The following LIFR variants were observed in gnomAD, a reference collection of about 807,000 sequenced individuals.
LIFR encodes leukemia inhibitory factor receptor.
A neutral mutation model predicts 122.2 loss-of-function variants in LIFR; 84 were observed. The observed-to-expected ratio is 0.69, with a 90% CI of 0.58 to 0.82. LIFR has a LOEUF of 0.82. Among genes scored for constraint, LIFR ranks in the 40% least tolerant of loss-of-function variants. LIFR has a pLI of 0.00. For missense variants in LIFR, 1,294 were observed against 1,311.6 expected, an observed-to-expected ratio of 0.99 and a Z score of 0.21; for synonymous variants, 422 against 434.7, an observed-to-expected ratio of 0.97 and a Z score of 0.36.
intron 16 of LIFR, among the ~76,000 whole-genome samples, chr5:38,486,856 T>G (rs1236187010): frequency 6.6e-6 from 1 of 152,244 alleles, no homozygotes; most frequent in African/African-American, 2.4e-5. Flanking sequence ...GAACTTTTGA[T>G]GAATTCAGTG....
chr5:38,511,297 T>C (rs1230725058), intron 6 of LIFR, among the ~76,000 whole-genome samples: 1 of 152,078 alleles, frequency 6.6e-6, no homozygotes, highest in Non-Finnish European at 1.5e-5. Flanking sequence ...AGGATTTCAT[T>C]TTATGGTCAA....
chr5:38,545,348 ATATGTGTGTGTGTGTG>A (rs1404156636), intron 1 of LIFR, among the ~76,000 whole-genome samples: 5 of 150,704 alleles, frequency 3.3e-5, no homozygotes, highest in African/African-American at 1.2e-4. Flanking sequence ...AGACATAAAT[ATATGTGTGTGTGTGTG>A]TATGTGTGTG....
intron 2 of LIFR, among the ~76,000 whole-genome samples, chr5:38,529,077 G>A (rs1561180436): frequency 6.6e-6 from 1 of 151,238 alleles, no homozygotes; most frequent in Non-Finnish European, 1.5e-5. Context: ...AACAACTAAA[G>A]GGTAAACTGA....
chr5:38,488,482 A>G (rs1363312276), intron 16 of LIFR, among the ~76,000 whole-genome samples: 1 of 152,262 alleles, frequency 6.6e-6, no homozygotes, highest in African/African-American at 2.4e-5. Flanking sequence ...CAGCAGAAAC[A>G]TAATGAAAGG....
chr5:38,589,053 A>G lies in LIFR; in HGVS notation c.-20+6208T>C, dbSNP rs181263697. On this transcript the variant is annotated intron_variant, in intron 1 of 19. Transcript: ENST00000263409. ...CACTCTGTTGCCGAGGCTGAAGTGCAGTGGCGCGATCTTGGCTCACTGCTA... is the reference window on the plus strand; with the variant it reads ...CACTCTGTTGCCGAGGCTGAAGTGCGGTGGCGCGATCTTGGCTCACTGCTA... Among the ~76,000 whole-genome samples the G allele has an allele frequency of 3.4e-5, 5 of 147,942 alleles. No individual in the cohort carries two copies. In the East Asian group the frequency reaches 1.0e-3, roughly 29 times the overall value.
In LIFR at chr5:38,549,591, G is replaced by C. The variant is rs552269477; in HGVS notation, c.-20+6743C>G. ...GCGGATCACGAGGTCAGGAGATCGA[G>C]ACCATCCTGGCTAACACGGTGAAAC... is the stretch of plus-strand genomic sequence containing the variant. On this transcript the variant is annotated intron_variant, in intron 1 of 19. Transcript: ENST00000453190. Among the ~76,000 whole-genome samples, 5 of 152,300 alleles carry C rather than the reference G, an allele frequency of 3.3e-5. No individual in the cohort carries two copies. The East Asian group carries it at 7.7e-4, about 24-fold the overall frequency.
rs1745450316 is a variant in LIFR, at chr5:38,505,932, T to C, written c.1264A>G (p.Thr422Ala). ...TTTTCAGTTATATTAACTAAAATTG[T>C]TGATTGTGATCGACCCAGCGGATTG... The part of the protein sequence containing the change: ...AHNPLGRSQS[T>A]ILVNITEKVY... The change falls in exon 9 of 20, where the codon ACA becomes GCA. Residue 422 changes from threonine to alanine, a missense_variant. Physicochemically the swap from Thr to Ala is moderately conservative, Grantham distance 58. Coordinates refer to ENST00000453190, the MANE Select transcript of LIFR (RefSeq NM_001127671.2). The C allele has an allele frequency of 6.2e-7, 1 of 1,609,238 alleles. No homozygotes were observed. Among genetic ancestry groups the C allele is most frequent in the Non-Finnish European group, 8.5e-7 (1 of 1,177,554 alleles).
upstream of LIFR, among the ~76,000 whole-genome samples, chr5:38,559,700 G>A (rs183664193): frequency 6.6e-6 from 1 of 152,296 alleles, no homozygotes; most frequent in East Asian, 1.9e-4. Flanking sequence ...CAAAACTGAA[G>A]TAAAAGTGTA....
intron 1 of LIFR, among the ~76,000 whole-genome samples, chr5:38,555,705 C>T (rs147786732): frequency 0.014 from 1,797 of 127,978 alleles, 32 homozygotes; most frequent in African/African-American, 0.045. Flanking sequence ...TTTTTGGTAG[C>T]GGAATGTGGG....
chr5:38,582,058 C>CTTTTTTT (rs35430300), intron 1 of LIFR, among the ~76,000 whole-genome samples: 3 of 145,216 alleles, frequency 2.1e-5, no homozygotes, highest in Non-Finnish European at 4.5e-5. Flanking sequence ...TTTTTTTTTC[C>CTTTTTTT]TTTTTTTTTT....
intron 1 of LIFR, among the ~76,000 whole-genome samples, chr5:38,574,251 C>T (rs963329273): frequency 4.6e-5 from 7 of 152,328 alleles, no homozygotes; most frequent in African/African-American, 1.4e-4. Flanking sequence ...CTTTTCCTTA[C>T]ACATGCCAGG....
intron 1 of LIFR, among the ~76,000 whole-genome samples, chr5:38,554,486 G>T (rs927592671): frequency 6.6e-6 from 1 of 152,204 alleles, no homozygotes; most frequent in Non-Finnish European, 1.5e-5. Flanking sequence ...ATATCACAAT[G>T]AAGAGATTAA....
rs2367413 is a variant in LIFR at position 38,483,461 on chromosome 5, T to G, written c.2592-794A>C. ...TTTTTGAGACAGAGTCTTGCACTGT[T>G]GCTAGGGTGGGGTGCAGTGGTGCAA... is the stretch of plus-strand genomic sequence containing the variant. On this transcript the variant is annotated intron_variant, in intron 18 of 19. Transcript: ENST00000453190. 4.9e-3 allele frequency among the ~76,000 whole-genome samples: 751 copies of G among 152,254 alleles called. 7 individuals carry two copies. Among genetic ancestry groups the G allele is most frequent in the African/African-American group, 0.018 (731 of 41,562 alleles).
upstream of LIFR, among the ~76,000 whole-genome samples, chr5:38,598,405 C>G (rs1339744283): frequency 6.6e-6 from 1 of 150,850 alleles, no homozygotes. Flanking sequence ...CACCACCATG[C>G]CTGGCTAATT....
chr5:38,486,236 G>T (rs1261200486), intron 16 of LIFR, among the ~76,000 whole-genome samples: 22 of 152,188 alleles, frequency 1.4e-4, no homozygotes, highest in Non-Finnish European at 2.9e-5. Flanking sequence ...GACTTAAGCT[G>T]TTTGAAGTTT....
intron 14 of LIFR, 82 bp downstream of exon 14, chr5:38,493,524 T>C: frequency 2.3e-6 from 3 of 1,329,590 alleles, no homozygotes; most frequent in Non-Finnish European, 3.3e-6. Flanking sequence ...GTAAAGAGAA[T>C]CACTTCACTG....
At chr5:38,523,834 A>G (rs1027014653) in intron 4 of LIFR, among the ~76,000 whole-genome samples, 1 of 152,210 alleles carries the variant, frequency 6.6e-6, no homozygotes, top group Non-Finnish European at 1.5e-5. Flanking sequence ...GGTTCTAATG[A>G]GAAAGGGAAA....
Position 38,543,809 on chromosome 5 carries a change from C to T in LIFR, c.-20+12525G>A, listed in dbSNP as rs141608618. On this transcript the variant is annotated intron_variant, in intron 1 of 19. Transcript: ENST00000453190. ...TGTGGTAATTTAAAAATTTATCTTA[C>T]CCTTCCTTCCTCCCAGATTTATATG... Among the ~76,000 whole-genome samples, 148 of 152,156 alleles carry T rather than the reference C, an allele frequency of 9.7e-4. 1 individual carries two copies. Among genetic ancestry groups the T allele is most frequent in the Non-Finnish European group, 1.7e-3 (119 of 68,010 alleles).
At chr5:38,482,549 C>T in intron 19 of LIFR, 40 bp downstream of exon 19, 1 of 1,032,762 alleles carries the variant, frequency 9.7e-7, no homozygotes, top group Non-Finnish European at 1.4e-6. Context: ...AAAAAAGAAG[C>T]CAGCACATCA....
Sources: allele counts gnomAD v4.1 joint callset (sites outside exome capture counted in the v4.1 genomes callset), GRCh38; gene constraint gnomAD v4.1.1; transcripts MANE v1.5; gene names NCBI Gene and HGNC (gene_info 2026-07-23, HGNC 2026-07-21).